Variants in NIBAN1 observed in about 807,000 individuals in gnomAD.
NIBAN1 encodes niban apoptosis regulator 1.
A neutral mutation model predicts 75.1 loss-of-function variants in NIBAN1; 81 were observed. That is an observed-to-expected ratio of 1.08 (90% CI 0.90 to 1.30). NIBAN1 has a LOEUF of 1.30. Ranked by LOEUF, NIBAN1 falls within the 50% of genes most tolerant of loss-of-function variation. The probability of loss-of-function intolerance (pLI) is 0.00; values close to 1 mark genes in which losing one functional copy is unlikely to be tolerated. For synonymous variants in NIBAN1, 436 were observed against 424.8 expected (o/e 1.03, Z -0.32); for missense variants, 1,133 against 1,128.1 (o/e 1.00, Z -0.06).
chr1:184,823,538 G>A, intron 7 of NIBAN1, 100 bp downstream of exon 7: 3 of 1,361,496 alleles, frequency 2.2e-6, no homozygotes, highest in Admixed American at 1.9e-5. Context: ...CTACACCCAG[G>A]GAAGGGAATA....
At position 184,899,254 on chromosome 1, in the gene NIBAN1, A is replaced by G. The variant is rs182146956; in HGVS notation, c.111T>C (p.Ser37=). The G allele has an allele frequency of 2.5e-6, 4 of 1,613,958 alleles. No individual in the cohort carries two copies. The highest frequency in any genetic ancestry group is 2.2e-5 in the East Asian group (1 of 44,882). Reference sequence around the variant, plus strand: ...TGCGCACGTGATTGCAGAAAGCCACAGAGTACTGACGACTGTAGTAGGGAC... The same window carrying G: ...TGCGCACGTGATTGCAGAAAGCCACGGAGTACTGACGACTGTAGTAGGGAC... ...NFSPYYSRQY[S]VAFCNHVRTE... is the part of the protein sequence containing the mutation. Residue 37 remains serine (S), a synonymous_variant, in exon 2 of 14, where the codon TCT becomes TCC. Coordinates refer to ENST00000367511, the MANE Select transcript of NIBAN1 (RefSeq NM_052966.4).
At chr1:184,828,020 C>G (rs554766031) in intron 6 of NIBAN1, among the ~76,000 whole-genome samples, 100 of 148,572 alleles carry the variant, frequency 6.7e-4, no homozygotes, top group African/African-American at 2.5e-3. Context: ...TGTTCTCTAG[C>G]CCATCTTGGT....
intron 5 of NIBAN1, among the ~76,000 whole-genome samples, chr1:184,870,367 T>C (rs1472579543): frequency 6.6e-5 from 10 of 152,198 alleles, no homozygotes. Context: ...GGATATAATT[T>C]ACTCTTGATG....
At chr1:184,943,633 TAACTC>T (rs995801156) in intron 1 of NIBAN1, among the ~76,000 whole-genome samples, 5 of 152,084 alleles carry the variant, frequency 3.3e-5, no homozygotes, top group African/African-American at 7.2e-5. Context: ...CATAGACTAA[TAACTC>T]AGCAACTGCA....
At chr1:184,875,900 A>G (rs1434518875) in intron 5 of NIBAN1, among the ~76,000 whole-genome samples, 1 of 152,240 alleles carries the variant, frequency 6.6e-6, no homozygotes, top group Non-Finnish European at 1.5e-5. Context: ...AAGGCCAGGC[A>G]CGATGGCTCA....
intron 1 of NIBAN1, among the ~76,000 whole-genome samples, chr1:184,923,429 G>T (rs905362661): frequency 6.6e-6 from 1 of 152,072 alleles, no homozygotes; most frequent in East Asian, 1.9e-4. Context: ...GTATGTGTTT[G>T]GTTTTATGCC....
At chr1:184,861,514 AG>A (rs1290839145) in intron 5 of NIBAN1, among the ~76,000 whole-genome samples, 2 of 145,266 alleles carry the variant, frequency 1.4e-5, no homozygotes, top group Non-Finnish European at 3.0e-5. Context: ...GAAGACAGGA[AG>A]GGGGGAAGAG....
chr1:184,857,683 T>C (rs1445442998), intron 5 of NIBAN1, among the ~76,000 whole-genome samples: 1 of 152,114 alleles, frequency 6.6e-6, no homozygotes, highest in Non-Finnish European at 1.5e-5. Flanking sequence ...AATAAACAAA[T>C]AGATATACAT....
intron 5 of NIBAN1, among the ~76,000 whole-genome samples, chr1:184,857,356 G>A (rs1655706425): frequency 6.6e-6 from 1 of 152,134 alleles, no homozygotes; most frequent in African/African-American, 2.4e-5. Flanking sequence ...AGTACAGATG[G>A]GAAAAGCACA....
chr1:184,891,952 C>T (rs149562331), intron 3 of NIBAN1, among the ~76,000 whole-genome samples: 10 of 152,196 alleles, frequency 6.6e-5, no homozygotes, highest in African/African-American at 2.4e-4. Flanking sequence ...CATATCTTAA[C>T]AATTTGAACA....
intron 5 of NIBAN1, among the ~76,000 whole-genome samples, chr1:184,870,474 T>C (rs1656076608): frequency 6.6e-6 from 1 of 152,208 alleles, no homozygotes; most frequent in Non-Finnish European, 1.5e-5. Flanking sequence ...AAAATGGCTC[T>C]ACAACTCGAA....
At chr1:184,885,246 AC>A (rs1391133946) in intron 4 of NIBAN1, among the ~76,000 whole-genome samples, 2 of 151,802 alleles carry the variant, frequency 1.3e-5, no homozygotes, top group Non-Finnish European at 2.9e-5. Context: ...ACAGGGTTTC[AC>A]CTTGTTGGCC....
chr1:184,795,284 C>T lies in NIBAN1; in HGVS notation c.2480G>A (p.Gly827Glu), dbSNP rs1653814269. 1.9e-6 allele frequency: 3 copies of T among 1,612,612 alleles called. No homozygotes were observed. Among genetic ancestry groups the T allele is most frequent in the Non-Finnish European group, 2.5e-6 (3 of 1,180,036 alleles). Residue 827 changes from glycine (G) to glutamate (E), a missense_variant, in exon 14 of 14, where the codon GGA becomes GAA. By Grantham distance (98) the Gly-to-Glu change is moderately conservative. Coordinates refer to ENST00000367511, the MANE Select transcript of NIBAN1 (RefSeq NM_052966.4). ...TTCCTCGGTACACTTGCCCCCTCTT[C>T]CTTCATGGGCAGTGAGTGTGCAGGC... is the stretch of plus-strand genomic sequence containing the variant. ...GEACTLTAHE[G>E]RGGKCTEEGD...
chr1:184,842,897 C>T (rs902828526), intron 5 of NIBAN1, among the ~76,000 whole-genome samples: 9 of 141,984 alleles, frequency 6.3e-5, no homozygotes, highest in Non-Finnish European at 1.2e-4. Context: ...TTACACATCA[C>T]GTTTGAGAAA....
intron 1 of NIBAN1, among the ~76,000 whole-genome samples, chr1:184,914,679 C>T (rs1362157593): frequency 6.6e-6 from 1 of 151,514 alleles, no homozygotes; most frequent in African/African-American, 2.4e-5. Context: ...ACATATCTCT[C>T]ATCTCACATA....
At chr1:184,897,681 G>C (rs1433404806) in intron 2 of NIBAN1, among the ~76,000 whole-genome samples, 1 of 152,088 alleles carries the variant, frequency 6.6e-6, no homozygotes, top group African/African-American at 2.4e-5. Flanking sequence ...ACTTAACATG[G>C]CCAAAAGGGA....
chr1:184,913,162 A>G (rs1278111054), intron 1 of NIBAN1, among the ~76,000 whole-genome samples: 1 of 149,356 alleles, frequency 6.7e-6, no homozygotes, highest in Non-Finnish European at 1.5e-5. Flanking sequence ...TATTATATAT[A>G]TATGCCTTTC....
intron 2 of NIBAN1, among the ~76,000 whole-genome samples, chr1:184,897,891 A>T (rs771523812): frequency 1.3e-5 from 2 of 152,054 alleles, no homozygotes; most frequent in Non-Finnish European, 2.9e-5. Context: ...CCCCAGTCCA[A>T]TTTGGCATCA....
intron 13 of NIBAN1, 127 bp downstream of exon 13, chr1:184,797,952 C>CT: frequency 4.0e-6 from 2 of 497,786 alleles, no homozygotes; most frequent in Non-Finnish European, 7.1e-6. Context: ...TCCTCACTGT[C>CT]TGTCTCCCTC....
Sources: allele counts gnomAD v4.1 joint callset (sites outside exome capture counted in the v4.1 genomes callset), GRCh38; gene constraint gnomAD v4.1.1; transcripts MANE v1.5; gene names NCBI Gene and HGNC (gene_info 2026-07-23, HGNC 2026-07-21).